AMPH: variants seen among roughly 807,000 people sequenced by gnomAD.
The protein encoded by AMPH is amphiphysin.
In AMPH, 49 loss-of-function variants were observed where a neutral mutation model predicts 99.1. That is an observed-to-expected ratio of 0.49 (90% CI 0.39 to 0.63). The LOEUF (loss-of-function observed/expected upper bound fraction) is 0.63. Among genes scored for constraint, AMPH ranks in the 20% least tolerant of loss-of-function variants. AMPH has a pLI of 0.00. For missense variants in AMPH, 759 were observed against 863.4 expected (o/e 0.88, Z 1.52); for synonymous variants, 314 against 317.3 (o/e 0.99, Z 0.11).
chr7:38,461,186 T>C, intron 11 of AMPH, 97 bp downstream of exon 11: 2 of 1,393,774 alleles, frequency 1.4e-6, no homozygotes, highest in Non-Finnish European at 2.0e-6. Flanking sequence ...AATTATGTTG[T>C]TGGTTCTGGA....
At chr7:38,630,827 T>G (rs1427216486) in intron 1 of AMPH, among the ~76,000 whole-genome samples, 1 of 152,186 alleles carries the variant, frequency 6.6e-6, no homozygotes, top group Non-Finnish European at 1.5e-5. Flanking sequence ...GAAGGAAGGC[T>G]GCTGCAATCT....
chr7:38,455,191 C>T (rs1365984581), intron 11 of AMPH, among the ~76,000 whole-genome samples: 1 of 152,126 alleles, frequency 6.6e-6, no homozygotes, highest in East Asian at 1.9e-4. Flanking sequence ...CTGCCTCAGC[C>T]TTCCGAGTAG....
intron 1 of AMPH, among the ~76,000 whole-genome samples, chr7:38,561,242 A>G (rs73364845): frequency 0.044 from 6,664 of 152,298 alleles, 547 homozygotes; most frequent in African/African-American, 0.15. Context: ...ATAACGAACC[A>G]CGAAGTTCCC....
At chr7:38,590,085 G>A (rs1275172956) in intron 1 of AMPH, among the ~76,000 whole-genome samples, 1 of 152,270 alleles carries the variant, frequency 6.6e-6, no homozygotes, top group African/African-American at 2.4e-5. Flanking sequence ...CCCAAGATGA[G>A]GTGGGCCTTT....
chr7:38,582,930 CA>C (rs1253937799), intron 1 of AMPH, among the ~76,000 whole-genome samples: 1 of 152,156 alleles, frequency 6.6e-6, no homozygotes, highest in African/African-American at 2.4e-5. Context: ...TCCATAGATT[CA>C]AATTCTCTTT....
rs1043096573 is a variant in AMPH, at chr7:38,428,090, T to C, written c.1183-1104A>G. 6 of 456,776 alleles carry C rather than the reference T, an allele frequency of 1.3e-5. No individual in the cohort carries two copies. The East Asian group carries it at 3.5e-4, about 26-fold the overall frequency. The allele number at this position is 456,776 out of a possible 1,614,324, so 28.3% of individuals were successfully genotyped here. ...CCTTCAGTTCTTCCTTGTGCTCAAC[T>C]ACATCTGAATGTGTCCAGCTATTAT... is the stretch of plus-strand genomic sequence containing the variant. On this transcript the variant is annotated intron_variant, in intron 14 of 20. Coordinates refer to ENST00000356264, the MANE Select transcript of AMPH (RefSeq NM_001635.4).
intron 1 of AMPH, among the ~76,000 whole-genome samples, chr7:38,548,521 T>C (rs1460060483): frequency 8.7e-4 from 132 of 152,104 alleles, no homozygotes; most frequent in Non-Finnish European, 1.5e-5. Context: ...GTATCTAAAA[T>C]GAAGTGGCAT....
Position 38,582,532 on chromosome 7 carries a change from A to G in AMPH, c.70-47521T>C, listed in dbSNP as rs189939529. Among the ~76,000 whole-genome samples the G allele has an allele frequency of 4.4e-3, 675 of 152,344 alleles. 7 individuals are homozygous for G. The highest frequency in any genetic ancestry group is 0.026 in the Admixed American group (404 of 15,302). ...CAGAGTTGTTCAAAGATTCCATGAC[A>G]TATAGATGACATCCTGTACTGACAG... On this transcript the variant is annotated intron_variant, in intron 1 of 20. Transcript: ENST00000356264.
intron 1 of AMPH, among the ~76,000 whole-genome samples, chr7:38,539,052 TC>T (rs1188711417): frequency 6.6e-6 from 1 of 152,092 alleles, no homozygotes; most frequent in Non-Finnish European, 1.5e-5. Context: ...CTGAAGACAG[TC>T]CAGAAAAATC....
In AMPH at chr7:38,533,017, A is replaced by G. The variant is rs923676218; in HGVS notation, c.150+1914T>C. ...GAATCACTTCTTCAATCTAAATCCA[A>G]TATTTTAGAGCAGACATTTGGGATT... On this transcript the variant is annotated intron_variant, in intron 2 of 20. Coordinates refer to ENST00000356264, the MANE Select transcript of AMPH (RefSeq NM_001635.4). Among the ~76,000 whole-genome samples the G allele has an allele frequency of 6.6e-5, 10 of 152,304 alleles. No individual in the cohort carries two copies. In the East Asian group the frequency reaches 1.4e-3, roughly 21 times the overall value.
intron 7 of AMPH, among the ~76,000 whole-genome samples, chr7:38,469,011 G>C (rs568721467): frequency 8.5e-6 from 1 of 117,622 alleles, no homozygotes; most frequent in Non-Finnish European, 1.7e-5. Context: ...AAAATTAGCC[G>C]GGCGTAGTGG....
chr7:38,396,207 A>T (rs1302988562), intron 17 of AMPH, among the ~76,000 whole-genome samples: 1 of 152,042 alleles, frequency 6.6e-6, no homozygotes, highest in Non-Finnish European at 1.5e-5. Flanking sequence ...TGTAGGTCCC[A>T]TAATTCCCAT....
At chr7:38,629,752 G>C (rs1335273857) in intron 1 of AMPH, among the ~76,000 whole-genome samples, 2 of 152,104 alleles carry the variant, frequency 1.3e-5, no homozygotes, top group Non-Finnish European at 2.9e-5. Flanking sequence ...TGTGGAAAAA[G>C]GATGACAAAA....
chr7:38,625,950 A>T (rs1227020554), intron 1 of AMPH, among the ~76,000 whole-genome samples: 1 of 152,232 alleles, frequency 6.6e-6, no homozygotes, highest in African/African-American at 2.4e-5. Context: ...AATCTTTTGC[A>T]ATAACAATTT....
chr7:38,389,788 CTATCT>C lies in AMPH; in HGVS notation c.1980+11_1980+15del. ...AATCAACGTAGCCCAAAGCATCTTC[CTATCT>C]TTTCTTTTACCTGATCAGCTTCTGA... is the stretch of plus-strand genomic sequence containing the variant. On this transcript the variant is annotated intron_variant, in intron 20 of 20. Transcript: ENST00000356264. The C allele has an allele frequency of 1.3e-6, 2 of 1,594,672 alleles. No individual in the cohort carries two copies. The highest frequency in any genetic ancestry group is 1.7e-6 in the Non-Finnish European group (2 of 1,162,642).
At chr7:38,522,421 C>T (rs1046981056) in intron 2 of AMPH, among the ~76,000 whole-genome samples, 2 of 152,152 alleles carry the variant, frequency 1.3e-5, no homozygotes, top group African/African-American at 4.8e-5. Context: ...GTATTTTAAA[C>T]AAGCGGGATA....
chr7:38,456,775 T>C (rs1562767836), intron 11 of AMPH, among the ~76,000 whole-genome samples: 1 of 152,222 alleles, frequency 6.6e-6, no homozygotes, highest in South Asian at 2.1e-4. Context: ...GCAAGCCACC[T>C]GGAGCCCAAG....
At chr7:38,492,392 C>T (rs919971530) in intron 4 of AMPH, among the ~76,000 whole-genome samples, 4 of 152,190 alleles carry the variant, frequency 2.6e-5, no homozygotes, top group African/African-American at 9.7e-5. Flanking sequence ...ACTTGGGCCC[C>T]TCATACTTGT....
chr7:38,510,176 G>A (rs995483636), intron 2 of AMPH, among the ~76,000 whole-genome samples: 4 of 152,080 alleles, frequency 2.6e-5, no homozygotes, highest in Admixed American at 2.6e-4. Context: ...GTTTCCCCCC[G>A]TGGCCTCTCT....
Sources: allele counts gnomAD v4.1 joint callset (sites outside exome capture counted in the v4.1 genomes callset), GRCh38; gene constraint gnomAD v4.1.1; transcripts MANE v1.5; gene names NCBI Gene and HGNC (gene_info 2026-07-23, HGNC 2026-07-21).